The following MYO5A variants were observed in gnomAD, a reference collection of about 807,000 sequenced individuals.
The protein encoded by MYO5A is myosin VA, also known as unconventional myosin-Va.
In MYO5A, 98 loss-of-function variants were observed where a neutral mutation model predicts 249.7. The ratio of observed to expected loss-of-function variants is 0.39; its 90% CI spans 0.33 to 0.46. The LOEUF (loss-of-function observed/expected upper bound fraction) is 0.46. Among genes scored for constraint, MYO5A ranks in the 20% least tolerant of loss-of-function variants. The pLI is 0.98. For synonymous variants in MYO5A, 778 were observed against 810.6 expected, an observed-to-expected ratio of 0.96 and a Z score of 0.68; for missense variants, 1,696 against 2,308.8, an observed-to-expected ratio of 0.73 and a Z score of 5.44.
At chr15:52,526,509 G>A (rs2077733078) in intron 1 of MYO5A, among the ~76,000 whole-genome samples, 1 of 152,108 alleles carries the variant, frequency 6.6e-6, no homozygotes, top group African/African-American at 2.4e-5. Context: ...TTACAGGCAT[G>A]CGCCACCACG....
intron 1 of MYO5A, among the ~76,000 whole-genome samples, chr15:52,448,015 C>T (rs961118521): frequency 1.3e-5 from 2 of 152,214 alleles, no homozygotes; most frequent in African/African-American, 4.8e-5. Context: ...GGTTGGGGCA[C>T]TGCCTAGTGG....
intron 12 of MYO5A, 70 bp from the exon 13 acceptor site, chr15:52,389,433 C>T: frequency 6.9e-7 from 1 of 1,439,894 alleles, no homozygotes; most frequent in Non-Finnish European, 9.5e-7. Flanking sequence ...CATCAGCTGT[C>T]AAAAGATCTT....
chr15:52,421,723 A>C (rs1452461081), intron 4 of MYO5A, among the ~76,000 whole-genome samples: 1 of 152,222 alleles, frequency 6.6e-6, no homozygotes, highest in Non-Finnish European at 1.5e-5. Context: ...ATCAAACATA[A>C]AGATAACAAA....
At chr15:52,384,431 G>T in intron 14 of MYO5A, 109 bp from the exon 15 acceptor site, 1 of 1,111,718 alleles carries the variant, frequency 9.0e-7, no homozygotes, top group Non-Finnish European at 1.3e-6. Flanking sequence ...CACTGTCAGA[G>T]TCACACTCCA....
At chr15:52,375,975 G>A (rs534339867) in intron 19 of MYO5A, among the ~76,000 whole-genome samples, 1 of 152,258 alleles carries the variant, frequency 6.6e-6, no homozygotes, top group South Asian at 2.1e-4. Flanking sequence ...ACACTAAAGT[G>A]TAATTCTCTT....
intron 36 of MYO5A, among the ~76,000 whole-genome samples, chr15:52,327,641 C>G (rs1216067103): frequency 6.6e-6 from 1 of 152,174 alleles, no homozygotes; most frequent in Non-Finnish European, 1.5e-5. Context: ...TGGGATTGCA[C>G]TGGGGCTGCA....
intron 14 of MYO5A, among the ~76,000 whole-genome samples, chr15:52,386,349 G>A (rs1321793133): frequency 2.0e-5 from 3 of 151,908 alleles, no homozygotes; most frequent in Non-Finnish European, 4.4e-5. Flanking sequence ...GCAAGAATCA[G>A]ATGAAAACCT....
chr15:52,351,178 T>C, intron 28 of MYO5A, 76 bp downstream of exon 28: 1 of 1,136,890 alleles, frequency 8.8e-7, no homozygotes, highest in Non-Finnish European at 1.3e-6. Flanking sequence ...TGCTGCATTA[T>C]AAACTGGAGG....
At chr15:52,327,016 T>G (rs1038127882) in intron 36 of MYO5A, among the ~76,000 whole-genome samples, 1 of 152,188 alleles carries the variant, frequency 6.6e-6, no homozygotes, top group Non-Finnish European at 1.5e-5. Context: ...TTTCCAAGTC[T>G]TTCCTCTCTG....
At chr15:52,438,103 G>C in intron 1 of MYO5A, 1 of 970,354 alleles carries the variant, frequency 1.0e-6, no homozygotes, top group Non-Finnish European at 1.2e-6. Flanking sequence ...ATGCCAGAAG[G>C]GGGTCAGTTT....
chr15:52,508,458 A>G (rs1415171620), intron 1 of MYO5A, among the ~76,000 whole-genome samples: 2 of 152,026 alleles, frequency 1.3e-5, no homozygotes, highest in African/African-American at 4.8e-5. Flanking sequence ...ATGTACAAAC[A>G]ACAAAAGTAG....
At chr15:52,371,998 A>T in intron 21 of MYO5A, 126 bp downstream of exon 21, 1 of 1,396,240 alleles carries the variant, frequency 7.2e-7, no homozygotes, top group Non-Finnish European at 1.0e-6. Context: ...TATGGAAATA[A>T]ATACGGTCAT....
chr15:52,495,643 G>A (rs2077022694), intron 1 of MYO5A, among the ~76,000 whole-genome samples: 1 of 152,052 alleles, frequency 6.6e-6, no homozygotes, highest in African/African-American at 2.4e-5. Flanking sequence ...CATATTGTAA[G>A]CCACAAATAT....
intron 1 of MYO5A, among the ~76,000 whole-genome samples, chr15:52,494,130 T>C (rs567658138): frequency 3.3e-5 from 5 of 152,272 alleles, no homozygotes; most frequent in South Asian, 4.2e-4. Context: ...ATGTTCCCTA[T>C]ATCATATGAA....
At chr15:52,366,981 A>G (rs369641959) in intron 23 of MYO5A, 50 bp downstream of exon 23, 1 of 1,390,916 alleles carries the variant, frequency 7.2e-7, no homozygotes, top group Non-Finnish European at 1.0e-6. Context: ...TGTAACTTAC[A>G]TAACTTTGGT....
intron 1 of MYO5A, among the ~76,000 whole-genome samples, chr15:52,446,906 C>T (rs759974389): frequency 5.9e-5 from 9 of 152,240 alleles, no homozygotes; most frequent in South Asian, 4.2e-4. Context: ...CCATACCCCA[C>T]GGTATCTTGG....
intron 18 of MYO5A, among the ~76,000 whole-genome samples, chr15:52,378,453 G>T (rs951175741): frequency 7.2e-6 from 1 of 139,570 alleles, no homozygotes; most frequent in South Asian, 2.4e-4. Flanking sequence ...CCCACGAGGC[G>T]GAGGTTGCAG....
chr15:52,386,799 C>G (rs1003058075), intron 14 of MYO5A, among the ~76,000 whole-genome samples: 1 of 152,130 alleles, frequency 6.6e-6, no homozygotes, highest in African/African-American at 2.4e-5. Flanking sequence ...CTGCCTGCCT[C>G]GGCCTCCCAA....
chr15:52,323,341 C>A lies in MYO5A; in HGVS notation c.4800+14G>T. ...AAGTATAGCATGCTGGTTTTGTAAT[C>A]AAGGTTTTCTCACCTCTTCTCCACT... On this transcript the variant is annotated intron_variant, in intron 37 of 41. Coordinates refer to ENST00000399233, the MANE Select transcript of MYO5A (RefSeq NM_001382347.1). The A allele has an allele frequency of 6.2e-7, 1 of 1,605,166 alleles. No individual in the cohort carries two copies. The highest frequency in any genetic ancestry group is 1.1e-5 in the South Asian group (1 of 90,860).
Sources: allele counts gnomAD v4.1 joint callset (sites outside exome capture counted in the v4.1 genomes callset), GRCh38; gene constraint gnomAD v4.1.1; transcripts MANE v1.5; gene names NCBI Gene and HGNC (gene_info 2026-07-23, HGNC 2026-07-21).